Variants in NPAS3 observed in about 807,000 individuals in gnomAD.
The protein encoded by NPAS3 is neuronal PAS domain protein 3.
NPAS3 carries 14 observed loss-of-function variants against 73.1 expected under a neutral mutation model. The observed-to-expected ratio is 0.19, with a 90% CI of 0.13 to 0.30. NPAS3 has a LOEUF of 0.30. Among genes scored for constraint, NPAS3 ranks in the 10% least tolerant of loss-of-function variants. The pLI is 1.00. For missense variants in NPAS3, 1,096 were observed against 1,250.0 expected, an observed-to-expected ratio of 0.88 and a Z score of 1.86; for synonymous variants, 620 against 541.5, an observed-to-expected ratio of 1.14 and a Z score of -2.01.
chr14:33,071,407 C>T (rs898558381), intron 2 of NPAS3, among the ~76,000 whole-genome samples: 5 of 152,098 alleles, frequency 3.3e-5, no homozygotes, highest in Admixed American at 6.6e-5. Flanking sequence ...AATTCCAAAA[C>T]GTTTTCATAA....
intron 2 of NPAS3, among the ~76,000 whole-genome samples, chr14:33,172,774 AG>A (rs1468973044): frequency 6.6e-6 from 1 of 152,068 alleles, no homozygotes; most frequent in Non-Finnish European, 1.5e-5. Context: ...CATTCAGAGT[AG>A]ATTTGTTAAA....
chr14:33,498,843 A>C (rs529225849), intron 4 of NPAS3, among the ~76,000 whole-genome samples: 1 of 152,120 alleles, frequency 6.6e-6, no homozygotes, highest in South Asian at 2.1e-4. Context: ...ATTTTAAAAA[A>C]AGAAAGACAT....
chr14:33,351,066 T>C (rs1227214000), intron 3 of NPAS3, among the ~76,000 whole-genome samples: 1 of 152,224 alleles, frequency 6.6e-6, no homozygotes, highest in African/African-American at 2.4e-5. Context: ...GCTCAGTGTT[T>C]GACTGATATA....
chr14:33,490,029 C>T (rs2051815057), intron 4 of NPAS3, among the ~76,000 whole-genome samples: 1 of 152,026 alleles, frequency 6.6e-6, no homozygotes, highest in Admixed American at 6.6e-5. Flanking sequence ...TGTTTTGTTG[C>T]TTTTTGGCTT....
At chr14:33,121,614 CAG>C (rs1468401893) in intron 2 of NPAS3, among the ~76,000 whole-genome samples, 3 of 152,116 alleles carry the variant, frequency 2.0e-5, no homozygotes, top group Admixed American at 6.5e-5. Flanking sequence ...ATGGAGACTT[CAG>C]AGTAAATCAG....
At chr14:33,778,732 C>T (rs2062894838) in intron 9 of NPAS3, among the ~76,000 whole-genome samples, 160 bp downstream of exon 9, 2 of 152,274 alleles carry the variant, frequency 1.3e-5, no homozygotes, top group African/African-American at 2.4e-5. Flanking sequence ...CATTTCAACG[C>T]GTGTTAGAAT....
At chr14:33,687,325 A>G (rs2060118245) in intron 6 of NPAS3, among the ~76,000 whole-genome samples, 1 of 152,342 alleles carries the variant, frequency 6.6e-6, no homozygotes, top group South Asian at 2.1e-4. Context: ...TAGAGTTCAA[A>G]GCCGTTTCTT....
At chr14:33,432,856 G>GT (rs2048838734) in intron 4 of NPAS3, among the ~76,000 whole-genome samples, 1 of 151,990 alleles carries the variant, frequency 6.6e-6, no homozygotes, top group Non-Finnish European at 1.5e-5. Context: ...TGAGATAATC[G>GT]TACTAAATGA....
chr14:33,119,986 T>G (rs956340070), intron 2 of NPAS3, among the ~76,000 whole-genome samples: 1 of 151,398 alleles, frequency 6.6e-6, no homozygotes, highest in Non-Finnish European at 1.5e-5. Flanking sequence ...TCATCTCTGC[T>G]AGGAGCATAT....
intron 7 of NPAS3, among the ~76,000 whole-genome samples, chr14:33,767,884 G>A (rs2062516182): frequency 1.3e-5 from 2 of 152,262 alleles, no homozygotes; most frequent in South Asian, 4.1e-4. Context: ...GAGGATATTA[G>A]TGGAGCACAT....
intron 6 of NPAS3, among the ~76,000 whole-genome samples, chr14:33,682,588 A>AT (rs375096739): frequency 6.6e-6 from 1 of 152,074 alleles, no homozygotes. Context: ...ATGCAGTACC[A>AT]TTTTTTCATG....
intron 1 of NPAS3, among the ~76,000 whole-genome samples, chr14:33,051,042 A>C (rs2040684135): frequency 6.6e-6 from 1 of 151,974 alleles, no homozygotes; most frequent in Admixed American, 6.5e-5. Flanking sequence ...TGGGAGGCCG[A>C]GGCGGGTGGA....
At chr14:33,209,068 G>A (rs563934928) in intron 2 of NPAS3, among the ~76,000 whole-genome samples, 1 of 152,148 alleles carries the variant, frequency 6.6e-6, no homozygotes, top group African/African-American at 2.4e-5. Flanking sequence ...GAACTTGAAG[G>A]TTCCAGTTTT....
intron 1 of NPAS3, among the ~76,000 whole-genome samples, chr14:33,002,961 C>T (rs957171727): frequency 6.6e-6 from 1 of 152,046 alleles, no homozygotes; most frequent in Non-Finnish European, 1.5e-5. Flanking sequence ...GTGAGTTAGG[C>T]TAGAGCATCT....
At chr14:33,681,226 A>G (rs1205429814) in intron 6 of NPAS3, among the ~76,000 whole-genome samples, 1 of 152,228 alleles carries the variant, frequency 6.6e-6, no homozygotes, top group African/African-American at 2.4e-5. Context: ...GTATAAAAAA[A>G]CGGCTTGGAT....
chr14:33,225,803 A>G (rs1161127197), intron 3 of NPAS3, among the ~76,000 whole-genome samples: 4 of 152,216 alleles, frequency 2.6e-5, no homozygotes, highest in Non-Finnish European at 5.9e-5. Flanking sequence ...TGTTGGGACC[A>G]TTAGAACTGG....
At chr14:33,726,649 T>C (rs2061274769) in intron 6 of NPAS3, among the ~76,000 whole-genome samples, 1 of 152,138 alleles carries the variant, frequency 6.6e-6, no homozygotes, top group Non-Finnish European at 1.5e-5. Flanking sequence ...CCTGAAATTA[T>C]TGTATCTATT....
intron 1 of NPAS3, among the ~76,000 whole-genome samples, chr14:32,985,261 CA>C (rs1183610738): frequency 1.3e-5 from 2 of 152,098 alleles, no homozygotes; most frequent in Non-Finnish European, 1.5e-5. Context: ...GCTGGTGTCT[CA>C]TTTTTAATTT....
At chr14:33,207,234 T>TGC (rs1035477066) in intron 2 of NPAS3, among the ~76,000 whole-genome samples, 1 of 88,326 alleles carries the variant, frequency 1.1e-5, no homozygotes, top group African/African-American at 3.9e-5. Context: ...CAAAGAACAT[T>TGC]ACACACACAC....
Sources: allele counts gnomAD v4.1 joint callset (sites outside exome capture counted in the v4.1 genomes callset), GRCh38; gene constraint gnomAD v4.1.1; transcripts MANE v1.5; gene names NCBI Gene and HGNC (gene_info 2026-07-23, HGNC 2026-07-21).